The following PLD5 variants were observed in gnomAD, a reference collection of about 807,000 sequenced individuals.
The protein encoded by PLD5 is phospholipase D family member 5, also known as inactive phospholipase D5.
In PLD5, 36 loss-of-function variants were observed where a neutral mutation model predicts 61.1. That is an observed-to-expected ratio of 0.59 (90% CI 0.45 to 0.78). The LOEUF (loss-of-function observed/expected upper bound fraction) is 0.78, where lower values mean the gene tolerates loss of function less well. PLD5 is among the 30% of genes least tolerant of loss of function. The probability of loss-of-function intolerance (pLI) is 0.00; values close to 1 mark genes in which losing one functional copy is unlikely to be tolerated. For synonymous variants in PLD5, 243 were observed against 242.8 expected, an observed-to-expected ratio of 1.00 and a Z score of -0.01; for missense variants, 515 against 644.4, an observed-to-expected ratio of 0.80 and a Z score of 2.17.
chr1:242,089,830 T>C lies in PLD5; in HGVS notation c.*24A>G. 2 of 1,613,520 alleles carry C rather than the reference T, an allele frequency of 1.2e-6. No homozygotes were observed. The highest frequency in any genetic ancestry group is 1.7e-6 in the Non-Finnish European group (2 of 1,179,442). On this transcript the variant is annotated 3_prime_UTR_variant, in exon 10 of 10. Transcript: ENST00000536534. ...TATGTATAAATATGAAATACAGAGC[T>C]GTCCTGTCAGTTTCTTCATCATGTT... is the stretch of plus-strand genomic sequence containing the variant.
chr1:242,094,801 A>G (rs1478791534), intron 9 of PLD5, among the ~76,000 whole-genome samples: 1 of 152,156 alleles, frequency 6.6e-6, no homozygotes, highest in Non-Finnish European at 1.5e-5. Context: ...GGTGGGTGCT[A>G]TTATCCCCAG....
intron 1 of PLD5, among the ~76,000 whole-genome samples, chr1:242,437,727 T>A (rs1666067590): frequency 6.6e-6 from 1 of 152,150 alleles, no homozygotes; most frequent in Non-Finnish European, 1.5e-5. Flanking sequence ...AATAAGTACT[T>A]ACTATGTGTC....
At chr1:242,202,941 C>T (rs1048943059) in intron 5 of PLD5, among the ~76,000 whole-genome samples, 1 of 151,902 alleles carries the variant, frequency 6.6e-6, no homozygotes, top group African/African-American at 2.4e-5. Flanking sequence ...CTTTGTTTAC[C>T]CGAGAGACCG....
At chr1:242,177,292 A>T (rs542652931) in intron 5 of PLD5, among the ~76,000 whole-genome samples, 3 of 152,160 alleles carry the variant, frequency 2.0e-5, no homozygotes, top group African/African-American at 7.2e-5. Flanking sequence ...GGAAACCACC[A>T]TTCTCATCAA....
At chr1:242,264,098 G>T (rs184983147) in intron 4 of PLD5, among the ~76,000 whole-genome samples, 50 of 151,184 alleles carry the variant, frequency 3.3e-4, no homozygotes, top group Admixed American at 2.8e-3. Context: ...TTAACCAAAA[G>T]TAATCAATTC....
rs1663338388 is a variant in PLD5 at position 242,394,791 on chromosome 1, AATATATATGTGTATATATGTGAAT to A, written c.190-46573_190-46550del. Reference sequence around the variant, plus strand: ...GTGAATATATATGTGTATATATGTGAATATATATGTGTATATATGTGAATATATATACATATATGTGAATATATA... The same window carrying A: ...GTGAATATATATGTGTATATATGTGAATATATACATATATGTGAATATATA... On this transcript the variant is annotated intron_variant, in intron 1 of 9. Transcript: ENST00000536534. Among the ~76,000 whole-genome samples the A allele has an allele frequency of 9.5e-5, 4 of 42,090 alleles. 1 individual carries two copies. Among genetic ancestry groups the A allele is most frequent in the East Asian group, 4.0e-4 (1 of 2,500 alleles). The allele number at this position is 42,090 out of a possible 152,430, so 27.6% of individuals were successfully genotyped here.
At chr1:242,261,038 C>T (rs1026187755) in intron 4 of PLD5, among the ~76,000 whole-genome samples, 3 of 152,108 alleles carry the variant, frequency 2.0e-5, no homozygotes, top group Non-Finnish European at 4.4e-5. Flanking sequence ...TAAGACGGTT[C>T]TAAAATTTGT....
chr1:242,395,731 A>G (rs906398258), intron 1 of PLD5, among the ~76,000 whole-genome samples: 1 of 152,192 alleles, frequency 6.6e-6, no homozygotes, highest in Non-Finnish European at 1.5e-5. Context: ...TTCACACAGT[A>G]AGCAAGGGGG....
chr1:242,301,370 G>A (rs1345163274), intron 2 of PLD5, among the ~76,000 whole-genome samples: 1 of 152,208 alleles, frequency 6.6e-6, no homozygotes, highest in Admixed American at 6.5e-5. Context: ...CTTTGAAGGG[G>A]AGCAGAATAT....
intron 2 of PLD5, among the ~76,000 whole-genome samples, chr1:242,302,349 T>C (rs1378864961): frequency 6.6e-6 from 1 of 152,212 alleles, no homozygotes; most frequent in Non-Finnish European, 1.5e-5. Flanking sequence ...CTTTGTCTCG[T>C]CACCTCTCCA....
intron 1 of PLD5, among the ~76,000 whole-genome samples, chr1:242,353,896 G>A (rs1041538501): frequency 4.0e-5 from 6 of 150,888 alleles, no homozygotes; most frequent in African/African-American, 1.2e-4. Context: ...TTATTCTCTC[G>A]ATTTCTTTTC....
At chr1:242,267,888 TA>T (rs552931193) in intron 3 of PLD5, among the ~76,000 whole-genome samples, 380 of 109,552 alleles carry the variant, frequency 3.5e-3, no homozygotes, top group Non-Finnish European at 4.0e-3. Flanking sequence ...CTCCAAAAAT[TA>T]AAAAAAAAAA....
At chr1:242,437,998 A>C (rs1318661715) in intron 1 of PLD5, among the ~76,000 whole-genome samples, 1 of 152,100 alleles carries the variant, frequency 6.6e-6, no homozygotes, top group Admixed American at 6.5e-5. Flanking sequence ...AAAAATTTGC[A>C]CTTGTTTCTA....
chr1:242,300,740 TGGG>T (rs1675988595), intron 2 of PLD5, among the ~76,000 whole-genome samples: 2 of 151,636 alleles, frequency 1.3e-5, no homozygotes, highest in African/African-American at 2.4e-5. Context: ...TTGTCAGAAA[TGGG>T]TTGCAGCGGG....
chr1:242,336,749 A>G (rs1248034897), intron 2 of PLD5, among the ~76,000 whole-genome samples: 1 of 151,992 alleles, frequency 6.6e-6, no homozygotes, highest in Non-Finnish European at 1.5e-5. Context: ...TTTCTATTGC[A>G]TACATAGTTA....
intron 2 of PLD5, among the ~76,000 whole-genome samples, chr1:242,298,185 A>T (rs1211807753): frequency 6.6e-6 from 1 of 152,188 alleles, no homozygotes; most frequent in Admixed American, 6.5e-5. Flanking sequence ...TGGTGGTAGC[A>T]GATTGCTGTT....
intron 5 of PLD5, among the ~76,000 whole-genome samples, chr1:242,152,508 C>T (rs954562230): frequency 2.6e-5 from 4 of 152,124 alleles, no homozygotes; most frequent in African/African-American, 7.2e-5. Flanking sequence ...CTCCCCTAGC[C>T]CCCTACCCCC....
intron 7 of PLD5, among the ~76,000 whole-genome samples, chr1:242,108,301 CCTT>C (rs1661222494): frequency 6.6e-6 from 1 of 152,194 alleles, no homozygotes; most frequent in Non-Finnish European, 1.5e-5. Flanking sequence ...CCCCACACTT[CCTT>C]TTCCCGACTG....
upstream of PLD5, among the ~76,000 whole-genome samples, chr1:242,525,394 A>G (rs1669418822): frequency 1.3e-5 from 2 of 152,120 alleles, no homozygotes; most frequent in Admixed American, 1.3e-4. Flanking sequence ...ACTGTTCCTT[A>G]GGTGGACGTG....
Sources: gnomAD v4.1 joint callset for allele counts (sites outside exome capture counted in the v4.1 genomes callset) on GRCh38, gnomAD v4.1.1 for gene constraint, MANE v1.5 for transcripts, NCBI Gene and HGNC (gene_info 2026-07-23, HGNC 2026-07-21) for gene names.